MSI2: variants seen among roughly 807,000 people sequenced by gnomAD.
The protein encoded by MSI2 is musashi RNA binding protein 2, also known as RNA-binding protein Musashi homolog 2.
MSI2 carries 17 observed loss-of-function variants against 45.6 expected under a neutral mutation model. The observed-to-expected ratio is 0.37, with a 90% confidence interval of 0.26 to 0.56. The LOEUF (loss-of-function observed/expected upper bound fraction) is 0.56. Ranked by LOEUF, MSI2 falls within the 20% of genes least tolerant of loss-of-function variation. The probability of loss-of-function intolerance (pLI) is 0.77; values close to 1 mark genes in which losing one functional copy is unlikely to be tolerated. For missense variants in MSI2, 293 were observed against 444.2 expected (o/e 0.66, Z 3.06); for synonymous variants, 156 against 158.2 (o/e 0.99, Z 0.11).
intron 6 of MSI2, among the ~76,000 whole-genome samples, chr17:57,463,194 C>T (rs1213503348): frequency 1.3e-5 from 2 of 152,258 alleles, no homozygotes; most frequent in Admixed American, 6.5e-5. Context: ...GCTTGTTTTC[C>T]GTCTGGAGTG....
intron 5 of MSI2, among the ~76,000 whole-genome samples, chr17:57,271,421 A>G (rs996088439): frequency 5.9e-5 from 9 of 152,150 alleles, no homozygotes; most frequent in African/African-American, 2.2e-4. Flanking sequence ...TCTTCTTTTT[A>G]AGAAATCCAT....
chr17:57,388,214 C>G (rs531983223), intron 5 of MSI2, among the ~76,000 whole-genome samples: 1 of 152,242 alleles, frequency 6.6e-6, no homozygotes, highest in African/African-American at 2.4e-5. Flanking sequence ...TGGCCTCTCT[C>G]TTTTACTACA....
At chr17:57,525,043 T>G (rs1026629789) in intron 6 of MSI2, among the ~76,000 whole-genome samples, 2 of 152,200 alleles carry the variant, frequency 1.3e-5, no homozygotes, top group African/African-American at 4.8e-5. Flanking sequence ...CCTCTGATGA[T>G]GATTCTGATG....
At chr17:57,591,384 A>G (rs1189490772) in intron 7 of MSI2, among the ~76,000 whole-genome samples, 1 of 152,244 alleles carries the variant, frequency 6.6e-6, no homozygotes, top group Non-Finnish European at 1.5e-5. Context: ...AGTACAGGAC[A>G]TAGAGTGTAT....
intron 5 of MSI2, among the ~76,000 whole-genome samples, chr17:57,368,046 A>C (rs995538063): frequency 6.6e-6 from 1 of 152,222 alleles, no homozygotes; most frequent in Non-Finnish European, 1.5e-5. Flanking sequence ...GAACAGTGGT[A>C]CCCAAATTGT....
chr17:57,468,266 C>T (rs1274608458), intron 6 of MSI2, among the ~76,000 whole-genome samples: 2 of 151,082 alleles, frequency 1.3e-5, no homozygotes, highest in African/African-American at 4.9e-5. Context: ...ATGGCTCACA[C>T]CTGTAATCCC....
intron 7 of MSI2, among the ~76,000 whole-genome samples, chr17:57,584,595 T>C (rs748886905): frequency 6.6e-6 from 1 of 152,114 alleles, no homozygotes; most frequent in Non-Finnish European, 1.5e-5. Context: ...GAAAACCTGC[T>C]CCAAGTAGTG....
At chr17:57,398,141 A>G (rs2083923551) in intron 5 of MSI2, among the ~76,000 whole-genome samples, 1 of 152,140 alleles carries the variant, frequency 6.6e-6, no homozygotes, top group South Asian at 2.1e-4. Flanking sequence ...TTTTCATTTC[A>G]CCAGTTATTG....
intron 5 of MSI2, among the ~76,000 whole-genome samples, chr17:57,309,416 C>A (rs184519981): frequency 2.6e-5 from 4 of 152,330 alleles, no homozygotes; most frequent in Admixed American, 1.3e-4. Context: ...CACCAGTTAG[C>A]TTCCAGGATG....
In MSI2 at chr17:57,528,082, C is replaced by T. The variant is rs766059569; in HGVS notation, c.406-1594C>T. Among the ~76,000 whole-genome samples, 115 of 149,074 alleles carry T rather than the reference C, an allele frequency of 7.7e-4. 3 individuals are homozygous for T. Among genetic ancestry groups the T allele is most frequent in the Non-Finnish European group, 3.4e-4 (23 of 67,214 alleles). On this transcript the variant is annotated intron_variant, in intron 6 of 13. Coordinates refer to ENST00000284073, the MANE Select transcript of MSI2 (RefSeq NM_138962.4). ...GTGAAATTGCTCTGAGGACAGGGCC[C>T]CCCGCTAACAGTTTTACCCCCCCTA...
At chr17:57,678,239 A>G (rs1913370465) in intron 13 of MSI2, among the ~76,000 whole-genome samples, 1 of 152,118 alleles carries the variant, frequency 6.6e-6, no homozygotes, top group South Asian at 2.1e-4. Context: ...CTAAGGGATC[A>G]CCTCAACTAA....
intron 6 of MSI2, among the ~76,000 whole-genome samples, chr17:57,485,913 A>T (rs751104387): frequency 2.6e-5 from 4 of 151,988 alleles, no homozygotes; most frequent in Non-Finnish European, 5.9e-5. Context: ...TTCTGAGCCC[A>T]CTCCACTCTT....
chr17:57,400,416 AT>A (rs2083968340), intron 5 of MSI2, among the ~76,000 whole-genome samples: 1 of 152,042 alleles, frequency 6.6e-6, no homozygotes, highest in Admixed American at 6.6e-5. Context: ...AGCTGGTAGG[AT>A]TTGGAAATGT....
intron 5 of MSI2, among the ~76,000 whole-genome samples, chr17:57,318,045 A>G (rs1913000850): frequency 6.6e-6 from 1 of 152,222 alleles, no homozygotes. Flanking sequence ...GCTACTCGGG[A>G]GGCCGAGGCA....
intron 5 of MSI2, among the ~76,000 whole-genome samples, chr17:57,371,484 A>G (rs1462922102): frequency 7.0e-6 from 1 of 143,108 alleles, no homozygotes; most frequent in African/African-American, 2.6e-5. Flanking sequence ...ATTTCGGTAC[A>G]TTTTTTTCTG....
At chr17:57,697,781 C>G in the MSI2 span, among the ~76,000 whole-genome samples, 1 of 152,154 alleles carries the variant, frequency 6.6e-6, no homozygotes, top group African/African-American at 2.4e-5. Context: ...TATTCACTAC[C>G]ATGAGAACAG....
At chr17:57,450,322 A>AGAGAGAAAGAGAG (rs1567831014) in intron 6 of MSI2, 2 of 148,416 alleles carry the variant, frequency 1.3e-5, no homozygotes, top group African/African-American at 4.9e-5. Context: ...AAAGAAAGAA[A>AGAGAGAAAGAGAG]ACCTTTGTTA....
intron 7 of MSI2, among the ~76,000 whole-genome samples, chr17:57,572,990 C>T (rs1213003462): frequency 1.3e-5 from 2 of 152,172 alleles, no homozygotes; most frequent in African/African-American, 2.4e-5. Flanking sequence ...CCGACAACTC[C>T]GTCTGAGGAT....
chr17:57,530,649 G>T (rs2086803225), intron 7 of MSI2, among the ~76,000 whole-genome samples: 1 of 152,196 alleles, frequency 6.6e-6, no homozygotes, highest in Non-Finnish European at 1.5e-5. Flanking sequence ...GCCTGTGAGT[G>T]AGCAGCATTT....
Sources: gnomAD v4.1 joint callset for allele counts (sites outside exome capture counted in the v4.1 genomes callset) on GRCh38, gnomAD v4.1.1 for gene constraint, MANE v1.5 for transcripts, NCBI Gene and HGNC (gene_info 2026-07-23, HGNC 2026-07-21) for gene names.